CAPN15: variants seen among roughly 807,000 people sequenced by gnomAD.
CAPN15 encodes the protein calpain-15.
A neutral mutation model predicts 97.9 loss-of-function variants in CAPN15; 53 were observed. That is an observed-to-expected ratio of 0.54 (90% CI 0.43 to 0.68). The LOEUF is 0.68. Among genes scored for constraint, CAPN15 ranks in the 30% least tolerant of loss-of-function variants. The pLI is 0.00. For missense variants in CAPN15, 1,592 were observed against 1,589.8 expected (o/e 1.00, Z -0.02); for synonymous variants, 922 against 722.5 (o/e 1.28, Z -4.43).
rs777379009 is a variant in CAPN15 at position 551,862 on chromosome 16, G to A, written c.2346-189G>A. The A allele has an allele frequency of 3.6e-4, 356 of 980,764 alleles. 2 individuals carry two copies. In the Admixed American group the frequency reaches 6.8e-3, roughly 19 times the overall value. 60.8% of individuals were successfully genotyped at this position (980,764 alleles called of 1,614,324 possible). On this transcript the variant is annotated intron_variant, in intron 9 of 13. Transcript: ENST00000219611. ...CCAGGTCAGCAGATTCCAGCGCCCT[G>A]AAGAGCCGGCCCTGGAGGGCTTCCT... is the stretch of plus-strand genomic sequence containing the variant.
intron 3 of CAPN15, chr16:539,933 G>A (rs557460777): frequency 2.2e-3 from 685 of 312,774 alleles, no homozygotes; most frequent in Non-Finnish European, 2.8e-3. Flanking sequence ...TGTGGGTGCC[G>A]AAGTCGGGCC....
At chr16:549,255 G>T (rs1388590421) in intron 5 of CAPN15, 33 bp from the exon 6 acceptor site, 14 of 1,555,130 alleles carry the variant, frequency 9.0e-6, no homozygotes, top group Non-Finnish European at 1.0e-5. Context: ...ACCGGCCGCG[G>T]TCCCCGCGAG....
rs991334094 is a variant in CAPN15, at chr16:534,242, G to A, written c.-137+244G>A. ...GCCCGGGGTCCCGACAGGGGTGTTT[G>A]TCCCTTTGGGGACCTCCCCTGTGCT... On this transcript the variant is annotated intron_variant, in intron 2 of 13. Transcript: ENST00000219611. Among the ~76,000 whole-genome samples, 7 of 29,320 alleles carry A rather than the reference G, an allele frequency of 2.4e-4. No individual in the cohort carries two copies. In the African/African-American group the frequency reaches 4.7e-3, roughly 19 times the overall value. The allele number at this position is 29,320 out of a possible 152,430, so 19.2% of individuals were successfully genotyped here.
At chr16:551,696 C>T (rs1243394249) in intron 9 of CAPN15, 32 bp downstream of exon 9, 14 of 1,578,728 alleles carry the variant, frequency 8.9e-6, no homozygotes, top group Non-Finnish European at 1.2e-5. Context: ...GTGCACGCCG[C>T]CCCCGCCCTC....
In CAPN15 at chr16:552,810, G is replaced by A. The variant is rs1422429263; in HGVS notation, c.2904+39G>A. The A allele has an allele frequency of 3.2e-6, 5 of 1,543,036 alleles. No individual in the cohort carries two copies. Among genetic ancestry groups the A allele is most frequent in the Non-Finnish European group, 4.4e-6 (5 of 1,143,368 alleles). ...CCGGGGGAGGGTGGCGTGGGGCAGG[G>A]GGAGTATGCCCCAGCACCTCCCCTG... On this transcript the variant is annotated intron_variant, in intron 12 of 13. Transcript: ENST00000219611. This position sits in a 1 kb window ranked among gnomAD's most constrained non-coding sequence, Gnocchi z 6.4.
In CAPN15 at chr16:548,110, C is replaced by T. The variant is rs2034728358; in HGVS notation, c.1272C>T (p.Leu424=). The T allele has an allele frequency of 1.3e-6, 2 of 1,537,672 alleles. No homozygotes were observed. The highest frequency in any genetic ancestry group is 1.4e-5 in the African/African-American group (1 of 72,354). Residue 424 remains leucine (L), a synonymous_variant, in exon 4 of 14, where the codon CTC becomes CTT. Transcript: ENST00000219611. The part of the protein sequence containing the change: ...GQWACPACTL[L]NALRAKHCAA... ...GGGCCTGCCCTGCCTGTACCCTGCT[C>T]AACGCACTGCGGGCCAAGCACTGCG...
intron 3 of CAPN15, among the ~76,000 whole-genome samples, chr16:543,757 C>T (rs1317014267): frequency 6.6e-6 from 1 of 152,210 alleles, no homozygotes; most frequent in Non-Finnish European, 1.5e-5. Flanking sequence ...GCACAGGCGA[C>T]CCCTGCCGTG....
At chr16:548,617 T>C (rs2142046064) in intron 4 of CAPN15, among the ~76,000 whole-genome samples, 1 of 152,304 alleles carries the variant, frequency 6.6e-6, no homozygotes, top group East Asian at 1.9e-4. Context: ...CCCGCTGAAG[T>C]GCGAGGTCGG....
In CAPN15 at chr16:549,731, C is replaced by T. The variant is rs866298436; in HGVS notation, c.1959C>T (p.Gly653=). The change falls in exon 7 of 14, where the codon GGC becomes GGT. Residue 653 remains glycine, a synonymous_variant. Transcript: ENST00000219611. ...RAIEGLATLT[G]APCESLALQL... ...TCGAAGGCCTGGCCACGCTCACCGG[C>T]GCCCCCTGTGAGAGCCTGGCGCTGC... The T allele has an allele frequency of 1.5e-5, 24 of 1,580,780 alleles. No individual in the cohort carries two copies. In the Middle Eastern group the frequency reaches 1.8e-3, roughly 121 times the overall value.
intron 1 of CAPN15, among the ~76,000 whole-genome samples, chr16:529,109 C>T (rs946282643): frequency 4.0e-5 from 6 of 151,844 alleles, no homozygotes; most frequent in African/African-American, 1.2e-4. Flanking sequence ...TTGCCTCCTC[C>T]GAGGTCCTTC....
At chr16:553,072 G>A (rs1269607146) in intron 13 of CAPN15, 31 bp downstream of exon 13, 2 of 1,009,368 alleles carry the variant, frequency 2.0e-6, no homozygotes. Flanking sequence ...CCCCACCCCT[G>A]CACAGGTGCC....
chr16:547,147 G>A lies in CAPN15; in HGVS notation c.309G>A (p.Glu103=), dbSNP rs1211844011. Residue 103 remains glutamate, a synonymous_variant, in exon 4 of 14, where the codon GAG becomes GAA. Transcript: ENST00000219611. ...GGGAGCCCAAGGGCAGCTGCCAGGA[G>A]GAAGCAGGTCCAGTGAGGACTGCGG... ...ILGEPKGSCQ[E]EAGPVRTAGL... The A allele has an allele frequency of 6.4e-7, 1 of 1,552,268 alleles. No individual in the cohort carries two copies. Among genetic ancestry groups the A allele is most frequent in the Admixed American group, 1.8e-5 (1 of 54,608 alleles).
chr16:534,192 G>T (rs1322251332), intron 2 of CAPN15, among the ~76,000 whole-genome samples, 194 bp downstream of exon 2: 1 of 152,284 alleles, frequency 6.6e-6, no homozygotes, highest in African/African-American at 2.4e-5. Context: ...CCGTGGTCCT[G>T]TCGTGGGAGG....
intron 1 of CAPN15, among the ~76,000 whole-genome samples, chr16:531,211 A>C (rs965977550): frequency 2.6e-5 from 4 of 152,004 alleles, no homozygotes; most frequent in Non-Finnish European, 2.9e-5. Context: ...TTTAAGTTTT[A>C]TTTTTTTGAG....
Position 553,527 on chromosome 16 carries a change from T to C in CAPN15, c.*11T>C. On this transcript the variant is annotated 3_prime_UTR_variant, in exon 14 of 14. Transcript: ENST00000219611. ...CCCCGACCGCTGTGACCACCATGCC[T>C]GGGGCAGGGGCTGTGCACAGACGGA... The C allele has an allele frequency of 1.3e-6, 2 of 1,592,152 alleles. No homozygotes were observed. The highest frequency in any genetic ancestry group is 1.7e-6 in the Non-Finnish European group (2 of 1,166,316).
At chr16:544,687 C>CCACGTCGCCTCCCCCA (rs543910386) in intron 3 of CAPN15, among the ~76,000 whole-genome samples, 2 of 142,238 alleles carry the variant, frequency 1.4e-5, no homozygotes, top group African/African-American at 5.5e-5. Flanking sequence ...AAGGAGCGGC[C>CCACGTCGCCTCCCCCA]CGTCGCCTCC....
rs936065319 is a variant in CAPN15, at chr16:551,826, T to A, written c.2345+162T>A. On this transcript the variant is annotated intron_variant, in intron 9 of 13. Transcript: ENST00000219611. ...CAGCTCCAAGGTGCCAACCTCAGAA[T>A]TCAGGTCCACCCAGGTCAGCAGATT... is the stretch of plus-strand genomic sequence containing the variant. 1.4e-5 allele frequency: 15 copies of A among 1,058,784 alleles called. 2 individuals are homozygous for A. In the Middle Eastern group the frequency reaches 3.0e-3, roughly 210 times the overall value. The allele number at this position is 1,058,784 out of a possible 1,614,324, so 65.6% of individuals were successfully genotyped here. A position where few individuals can be genotyped will look rare whatever the true frequency, so the allele number is the denominator to read the frequency against.
intron 3 of CAPN15, among the ~76,000 whole-genome samples, chr16:544,874 TCACGTCGTCGTCTCCCCC>T (rs1252881991): frequency 2.6e-4 from 8 of 30,378 alleles, no homozygotes; most frequent in Non-Finnish European, 3.3e-4. Context: ...TCGCCTCCCC[TCACGTCGTCGTCTCCCCC>T]CACGTCGTCG....
intron 3 of CAPN15, chr16:540,509 G>A (rs1164004219): frequency 3.3e-6 from 1 of 304,340 alleles, no homozygotes; most frequent in Non-Finnish European, 4.8e-6. Flanking sequence ...CTCTTCCCCA[G>A]GGTGCAGGAG....
Sources: gnomAD v4.1 joint callset for allele counts (sites outside exome capture counted in the v4.1 genomes callset) on GRCh38, gnomAD v4.1.1 for gene constraint, Gnocchi (gnomAD v3.1) non-coding constraint, MANE v1.5 for transcripts, NCBI Gene and HGNC (gene_info 2026-07-23, HGNC 2026-07-21) for gene names.